Variants in TSGA10 observed in about 807,000 individuals in gnomAD.
TSGA10 encodes the protein testis-specific gene 10 protein.
In TSGA10, 43 loss-of-function variants were observed where a neutral mutation model predicts 96.6. The observed-to-expected ratio is 0.44, with a 90% CI of 0.35 to 0.57. The LOEUF is 0.57. Among genes scored for constraint, TSGA10 ranks in the 20% least tolerant of loss-of-function variants. The pLI is 0.01. For missense variants in TSGA10, 703 were observed against 834.4 expected (o/e 0.84, Z 1.94); for synonymous variants, 229 against 269.9 (o/e 0.85, Z 1.48).
chr2:99,027,568 G>T (rs928977114), intron 17 of TSGA10, among the ~76,000 whole-genome samples: 3 of 152,110 alleles, frequency 2.0e-5, no homozygotes, highest in Non-Finnish European at 4.4e-5. Flanking sequence ...AAGTTGATAA[G>T]TTGATTGATA....
At chr2:99,098,127 T>C (rs2090266839) in intron 10 of TSGA10, among the ~76,000 whole-genome samples, 1 of 151,892 alleles carries the variant, frequency 6.6e-6, no homozygotes, top group African/African-American at 2.4e-5. Flanking sequence ...ATTTAAAGCT[T>C]TACATGTTTC....
rs549196181 is a variant in TSGA10 at position 99,129,157 on chromosome 2, T to C, written c.-620-1981A>G. Among the ~76,000 whole-genome samples the C allele has an allele frequency of 6.6e-5, 10 of 152,332 alleles. No individual in the cohort carries two copies. The East Asian group carries it at 1.9e-3, about 29-fold the overall frequency. On this transcript the variant is annotated intron_variant, in intron 1 of 20. Coordinates refer to ENST00000393483, the MANE Select transcript of TSGA10 (RefSeq NM_025244.4). ...TTTAAGGCTCAGCTGGAATTCCATA[T>C]TCTCCAGGTTTTCTCTGTCTTCTCC...
chr2:99,014,208 G>A (rs1352912157), intron 20 of TSGA10, among the ~76,000 whole-genome samples: 3 of 151,796 alleles, frequency 2.0e-5, no homozygotes, highest in Non-Finnish European at 4.4e-5. Flanking sequence ...TGTGACGCAT[G>A]CCTGTATTCC....
At chr2:99,040,698 C>T (rs1372464710) in intron 16 of TSGA10, among the ~76,000 whole-genome samples, 1 of 151,118 alleles carries the variant, frequency 6.6e-6, no homozygotes, top group African/African-American at 2.4e-5. Flanking sequence ...CTGCCAAAAA[C>T]AATATACAAA....
intron 16 of TSGA10, among the ~76,000 whole-genome samples, chr2:99,036,000 TAA>T (rs1357674567): frequency 1.3e-5 from 2 of 151,998 alleles, no homozygotes; most frequent in Non-Finnish European, 2.9e-5. Flanking sequence ...TTATAGGAAA[TAA>T]GAGTGTGTTT....
At chr2:99,119,390 G>C (rs1167821974) in intron 2 of TSGA10, among the ~76,000 whole-genome samples, 1 of 152,026 alleles carries the variant, frequency 6.6e-6, no homozygotes, top group African/African-American at 2.4e-5. Flanking sequence ...GTTGCCTCAT[G>C]ACACTGAGAA....
chr2:99,143,133 C>CTTTTTT (rs10605521), intron 1 of TSGA10, among the ~76,000 whole-genome samples: 3 of 82,154 alleles, frequency 3.7e-5, no homozygotes, highest in Non-Finnish European at 6.9e-5. Flanking sequence ...CCAACTAAAC[C>CTTTTTT]TTTTTTTTTT....
chr2:99,061,127 T>C (rs1025968240), intron 16 of TSGA10, among the ~76,000 whole-genome samples: 2 of 152,156 alleles, frequency 1.3e-5, no homozygotes, highest in Non-Finnish European at 2.9e-5. Context: ...GGCAAGCCAA[T>C]GACTGGGAGA....
chr2:99,070,369 A>G (rs1284076441), intron 14 of TSGA10, among the ~76,000 whole-genome samples: 1 of 152,120 alleles, frequency 6.6e-6, no homozygotes, highest in Non-Finnish European at 1.5e-5. Context: ...TGTGAATCTT[A>G]CTCGACTCTA....
intron 1 of TSGA10, among the ~76,000 whole-genome samples, chr2:99,153,547 C>G (rs2093714642): frequency 6.6e-6 from 1 of 152,090 alleles, no homozygotes; most frequent in Non-Finnish European, 1.5e-5. Context: ...TCTTTAAAAC[C>G]TCTTCATCAA....
At chr2:99,050,544 G>A (rs916995813) in intron 16 of TSGA10, among the ~76,000 whole-genome samples, 1 of 151,960 alleles carries the variant, frequency 6.6e-6, no homozygotes, top group South Asian at 2.1e-4. Flanking sequence ...GGAGGAAAAG[G>A]GAATAGAACT....
At chr2:99,141,440 T>G (rs934140670) in intron 1 of TSGA10, 21 of 174,534 alleles carry the variant, frequency 1.2e-4, no homozygotes, top group Non-Finnish European at 2.3e-4. Flanking sequence ...GGCTCGACCT[T>G]CCTTCTCGCG....
chr2:99,015,420 G>A (rs1223959294), intron 20 of TSGA10, among the ~76,000 whole-genome samples: 2 of 152,026 alleles, frequency 1.3e-5, no homozygotes, highest in African/African-American at 2.4e-5. Flanking sequence ...TGCAGAAAAA[G>A]CATTTGACAA....
intron 12 of TSGA10, among the ~76,000 whole-genome samples, chr2:99,073,298 G>A (rs1320184554): frequency 6.6e-6 from 1 of 152,104 alleles, no homozygotes; most frequent in East Asian, 1.9e-4. Context: ...ATACTTAGGT[G>A]TAATTATGAG....
intron 10 of TSGA10, among the ~76,000 whole-genome samples, chr2:99,084,813 G>A (rs1563107): frequency 0.42 from 63,557 of 151,498 alleles, 16,172 homozygotes; most frequent in African/African-American, 0.72. Flanking sequence ...AGTCACCCAA[G>A]AGCATTGTTT....
chr2:99,102,574 A>G lies in TSGA10; in HGVS notation c.611+1393T>C. On this transcript the variant is annotated intron_variant, in intron 10 of 20. Coordinates refer to ENST00000393483, the MANE Select transcript of TSGA10 (RefSeq NM_025244.4). ...GCTCAGCACAGAAAGGCTGTGTCAG[A>G]TATGATTATGGAACTTGCTGTACAT... 3 of 1,614,158 alleles carry G rather than the reference A, an allele frequency of 1.9e-6. No homozygotes were observed. The South Asian group carries it at 3.3e-5, about 18-fold the overall frequency.
chr2:99,149,568 G>A lies in TSGA10; in HGVS notation c.-621+5125C>T, dbSNP rs189307178. Reference sequence around the variant, plus strand: ...CACCATTCTTCTGCCTCAGCCTCCCGAGTAGCTGGGACTACAGGTGCCCGC... The same window carrying A: ...CACCATTCTTCTGCCTCAGCCTCCCAAGTAGCTGGGACTACAGGTGCCCGC... On this transcript the variant is annotated intron_variant, in intron 1 of 20. Transcript: ENST00000393483. Among the ~76,000 whole-genome samples, 1,054 of 149,188 alleles carry A rather than the reference G, an allele frequency of 7.1e-3. 8 individuals are homozygous for A. The highest frequency in any genetic ancestry group is 0.024 in the African/African-American group (960 of 40,522).
chr2:99,101,244 C>CAAAAA lies in TSGA10; in HGVS notation c.611+2718_611+2722dup, dbSNP rs869263270. On this transcript the variant is annotated intron_variant, in intron 10 of 20. Coordinates refer to ENST00000393483, the MANE Select transcript of TSGA10 (RefSeq NM_025244.4). ...TGGGCGACAGAGTGAGACTCTGTCTCAAAAAAAAAAAAAAAAAAAAAAAAA... is the reference window on the plus strand; with the variant it reads ...TGGGCGACAGAGTGAGACTCTGTCTCAAAAAAAAAAAAAAAAAAAAAAAAAAAAAA... 3.7e-4 allele frequency among the ~76,000 whole-genome samples: 9 copies of CAAAAA among 24,358 alleles called. 1 individual carries two copies. Among genetic ancestry groups the CAAAAA allele is most frequent in the Non-Finnish European group, 5.2e-4 (8 of 15,240 alleles). The allele number at this position is 24,358 out of a possible 152,430, so 16.0% of individuals were successfully genotyped here.
At chr2:99,096,183 G>A (rs1299440963) in intron 10 of TSGA10, among the ~76,000 whole-genome samples, 1 of 152,052 alleles carries the variant, frequency 6.6e-6, no homozygotes, top group Non-Finnish European at 1.5e-5. Flanking sequence ...AAAACATTAG[G>A]TACATTGAGA....
Sources: allele counts gnomAD v4.1 joint callset (sites outside exome capture counted in the v4.1 genomes callset), GRCh38; gene constraint gnomAD v4.1.1; transcripts MANE v1.5; gene names NCBI Gene and HGNC (gene_info 2026-07-23, HGNC 2026-07-21).